WNT7B: variants seen among roughly 807,000 people sequenced by gnomAD.
The protein encoded by WNT7B is protein Wnt-7b.
In WNT7B, 19 loss-of-function variants were observed where a neutral mutation model predicts 38.2. That is an observed-to-expected ratio of 0.50 (90% confidence interval 0.35 to 0.73). WNT7B has a LOEUF of 0.73. WNT7B is among the 30% of genes least tolerant of loss of function. WNT7B has a pLI of 0.01. For synonymous variants in WNT7B, 243 were observed against 209.3 expected (o/e 1.16, Z -1.39); for missense variants, 423 against 507.9 (o/e 0.83, Z 1.61).
In WNT7B at chr22:45,966,172, A is replaced by G. The variant is rs1569125053; in HGVS notation, c.71+10512T>C. On this transcript the variant is annotated intron_variant, in intron 1 of 3. Transcript: ENST00000339464. The surrounding 1 kb of genome is among the most constrained non-coding windows in gnomAD (Gnocchi z 4.2). ...CCACTAGGGAGGGCCTTCTGGGGGAAACTGAGTCCTCCAGAAGTGGGAATG... is the reference window on the plus strand; with the variant it reads ...CCACTAGGGAGGGCCTTCTGGGGGAGACTGAGTCCTCCAGAAGTGGGAATG... Among the ~76,000 whole-genome samples the G allele has an allele frequency of 6.6e-6, 1 of 152,182 alleles. No homozygotes were observed. The highest frequency in any genetic ancestry group is 1.5e-5 in the Non-Finnish European group (1 of 68,030).
chr22:45,925,632 G>C (rs1384210678), intron 3 of WNT7B: 1 of 985,116 alleles, frequency 1.0e-6, no homozygotes, highest in African/African-American at 1.7e-5. Flanking sequence ...GCTGGGATCT[G>C]TCCCCTCCTG....
At chr22:45,941,617 G>A (rs1280603455) in intron 2 of WNT7B, among the ~76,000 whole-genome samples, 1 of 152,182 alleles carries the variant, frequency 6.6e-6, no homozygotes, top group Non-Finnish European at 1.5e-5. Context: ...AGGATCAAGT[G>A]GAAAGAGTTG....
Position 45,975,434 on chromosome 22 carries a change from G to T in WNT7B, c.71+1250C>A. 1.6e-6 allele frequency: 1 copy of T among 638,946 alleles called. No homozygotes were observed. Among genetic ancestry groups the T allele is most frequent in the Non-Finnish European group, 2.9e-6 (1 of 341,220 alleles). 39.6% of individuals were successfully genotyped at this position (638,946 alleles called of 1,614,324 possible). On this transcript the variant is annotated intron_variant, in intron 1 of 3. Coordinates refer to ENST00000339464, the MANE Select transcript of WNT7B (RefSeq NM_058238.3). The surrounding 1 kb of genome is among the most constrained non-coding windows in gnomAD (Gnocchi z 6.6). Reference sequence around the variant, plus strand: ...ATGATAAACGGGGCTACCGGCAGCCGCAGACACGCCCGCCCAGACCTGCAG... The same window carrying T: ...ATGATAAACGGGGCTACCGGCAGCCTCAGACACGCCCGCCCAGACCTGCAG...
intron 1 of WNT7B, among the ~76,000 whole-genome samples, chr22:45,957,705 A>C (rs1334887168): frequency 2.0e-5 from 3 of 150,908 alleles, no homozygotes; most frequent in Non-Finnish European, 3.0e-5. Context: ...AAAAAAAAAA[A>C]AAAAAAACAG....
At chr22:45,960,109 G>C (rs971794910) in intron 1 of WNT7B, among the ~76,000 whole-genome samples, 2 of 152,208 alleles carry the variant, frequency 1.3e-5, no homozygotes, top group African/African-American at 4.8e-5. Flanking sequence ...ACACCAGCAG[G>C]ATCATGGCCT....
At chr22:45,950,366 C>G (rs983668879) in intron 1 of WNT7B, among the ~76,000 whole-genome samples, 13 of 152,234 alleles carry the variant, frequency 8.5e-5, no homozygotes, top group African/African-American at 3.1e-4. Flanking sequence ...CACGCGTGAC[C>G]CCAGCCACAC....
intron 2 of WNT7B, chr22:45,935,745 C>G (rs1405823393): frequency 6.1e-5 from 56 of 911,422 alleles, no homozygotes; most frequent in Non-Finnish European, 7.2e-5. Flanking sequence ...AAGACAGCCC[C>G]ATTCTGATCA....
At position 45,922,629 on chromosome 22, in the gene WNT7B, G is replaced by A. The variant is rs555867960; in HGVS notation, c.*227C>T. Reference sequence around the variant, plus strand: ...TGGCCTTGCTCTCTGGGTGGGTCACGGGTGCTGTTCTGCCGCAGGAGGTGA... The same window carrying A: ...TGGCCTTGCTCTCTGGGTGGGTCACAGGTGCTGTTCTGCCGCAGGAGGTGA... On this transcript the variant is annotated 3_prime_UTR_variant, in exon 4 of 4. Coordinates refer to ENST00000339464, the MANE Select transcript of WNT7B (RefSeq NM_058238.3). 8.9e-6 allele frequency: 6 copies of A among 675,914 alleles called. No individual in the cohort carries two copies. Among genetic ancestry groups the A allele is most frequent in the East Asian group, 8.4e-5 (3 of 35,588 alleles). 41.9% of individuals were successfully genotyped at this position (675,914 alleles called of 1,614,324 possible). A position where few individuals can be genotyped will look rare whatever the true frequency, so the allele number is the denominator to read the frequency against.
rs561636545 is a variant in WNT7B at position 45,965,835 on chromosome 22, G to A, written c.71+10849C>T. The stretch of plus-strand genomic sequence containing the variant: ...ACTCTTGGTCAACACACAGTTCTAA[G>A]CAACTGGAGGCATTGGTTTCTGCCT... On this transcript the variant is annotated intron_variant, in intron 1 of 3. Coordinates refer to ENST00000339464, the MANE Select transcript of WNT7B (RefSeq NM_058238.3). This position sits in a 1 kb window ranked among gnomAD's most constrained non-coding sequence, Gnocchi z 6.5. Among the ~76,000 whole-genome samples, 3 of 152,302 alleles carry A rather than the reference G, an allele frequency of 2.0e-5. No individual in the cohort carries two copies. In the East Asian group the frequency reaches 5.8e-4, roughly 29 times the overall value.
chr22:45,976,602 C>A lies in WNT7B; in HGVS notation c.71+82G>T, dbSNP rs562493807. 2.0e-6 allele frequency: 3 copies of A among 1,467,082 alleles called. No homozygotes were observed. Among genetic ancestry groups the A allele is most frequent in the Non-Finnish European group, 2.8e-6 (3 of 1,072,414 alleles). The allele number at this position is 1,467,082 out of a possible 1,614,324, so 90.9% of individuals were successfully genotyped here. ...CTGCAGTGGCCCCCTCCAGTCCCCACGTCCCCACGGGGACGCCCCGGAGGC... is the reference window on the plus strand; with the variant it reads ...CTGCAGTGGCCCCCTCCAGTCCCCAAGTCCCCACGGGGACGCCCCGGAGGC... On this transcript the variant is annotated intron_variant, in intron 1 of 3. Coordinates refer to ENST00000339464, the MANE Select transcript of WNT7B (RefSeq NM_058238.3). The surrounding 1 kb of genome is among the most constrained non-coding windows in gnomAD (Gnocchi z 8.5).
At position 45,931,309 on chromosome 22, in the gene WNT7B, G is replaced by C. The variant is rs766868525; in HGVS notation, c.359C>G (p.Thr120Ser). ...ITAAGVAHAV[T>S]AACSQGNLSN... is the part of the protein sequence containing the mutation. The stretch of plus-strand genomic sequence containing the variant: ...CAGGTTCCCTTGGCTGCAGGCAGCG[G>C]TGACGGCGTGCGCCACGCCAGCCGC... Residue 120 changes from threonine to serine, a missense_variant, in exon 3 of 4, where the codon ACC becomes AGC. Transcript: ENST00000339464. 6.3e-7 allele frequency: 1 copy of C among 1,597,496 alleles called. No individual in the cohort carries two copies. The highest frequency in any genetic ancestry group is 1.1e-5 in the South Asian group (1 of 91,006).
chr22:45,940,463 C>T (rs55918716), intron 2 of WNT7B, among the ~76,000 whole-genome samples: 9,568 of 152,266 alleles, frequency 0.063, 401 homozygotes, highest in East Asian at 0.18. Context: ...ACTCTACACA[C>T]GCGCGACACT....
intron 1 of WNT7B, among the ~76,000 whole-genome samples, chr22:45,973,555 C>T (rs1712478155): frequency 6.6e-6 from 1 of 152,198 alleles, no homozygotes; most frequent in African/African-American, 2.4e-5. Flanking sequence ...TTCGGCAGGG[C>T]TGGTCCTAGA....
chr22:45,929,353 TATCCATCCATCTATTC>T (rs1458319357), intron 3 of WNT7B, among the ~76,000 whole-genome samples: 4 of 151,400 alleles, frequency 2.6e-5, no homozygotes, highest in African/African-American at 9.7e-5. Flanking sequence ...CTCATTCCTT[TATCCATCCATCTATTC>T]ACCCATCCAC....
intron 3 of WNT7B, among the ~76,000 whole-genome samples, chr22:45,929,402 A>T (rs192565364): frequency 6.4e-5 from 9 of 140,454 alleles, no homozygotes; most frequent in Admixed American, 6.1e-4. Context: ...CCATCCTTCC[A>T]TCCACCCGTG....
chr22:45,943,595 G>A (rs1370895257), intron 2 of WNT7B, among the ~76,000 whole-genome samples: 3 of 152,206 alleles, frequency 2.0e-5, no homozygotes, highest in Non-Finnish European at 4.4e-5. Context: ...CTTCCTCCCC[G>A]GGGCTGCCCC....
At chr22:45,927,180 C>G in intron 3 of WNT7B, 1 of 985,432 alleles carries the variant, frequency 1.0e-6, no homozygotes, top group African/African-American at 1.7e-5. Context: ...GCAGTGGGGA[C>G]CATGTGCCAG....
At chr22:45,933,285 C>T (rs1224490324) in intron 2 of WNT7B, among the ~76,000 whole-genome samples, 1 of 152,194 alleles carries the variant, frequency 6.6e-6, no homozygotes, top group Non-Finnish European at 1.5e-5. Flanking sequence ...TGATCAGCCT[C>T]CTCTGAGCTG....
At chr22:45,964,856 C>T (rs1451622654) in intron 1 of WNT7B, among the ~76,000 whole-genome samples, 1 of 152,202 alleles carries the variant, frequency 6.6e-6, no homozygotes, top group Non-Finnish European at 1.5e-5. Context: ...ACTCCCTTGG[C>T]ACCGCTGCCA....
Sources: allele counts gnomAD v4.1 joint callset (sites outside exome capture counted in the v4.1 genomes callset), GRCh38; gene constraint gnomAD v4.1.1; non-coding constraint Gnocchi (gnomAD v3.1); transcripts MANE v1.5; gene names NCBI Gene and HGNC (gene_info 2026-07-23, HGNC 2026-07-21).